The following CEP85L variants were observed in gnomAD, a reference collection of about 807,000 sequenced individuals.
CEP85L encodes the protein centrosomal protein of 85 kDa-like.
In CEP85L, 60 loss-of-function variants were observed where a neutral mutation model predicts 100.3. The observed-to-expected ratio is 0.60, with a 90% CI of 0.49 to 0.74. The LOEUF is 0.74. Ranked by LOEUF, CEP85L falls within the 30% of genes least tolerant of loss-of-function variation. The pLI, the probability that CEP85L is intolerant of heterozygous loss-of-function variation, is 0.00. For synonymous variants in CEP85L, 319 were observed against 322.7 expected (o/e 0.99, Z 0.12); for missense variants, 973 against 936.2 (o/e 1.04, Z -0.51).
upstream of CEP85L, among the ~76,000 whole-genome samples, chr6:118,652,181 G>C (rs1775609559): frequency 6.6e-6 from 1 of 152,142 alleles, no homozygotes; most frequent in Non-Finnish European, 1.5e-5. Flanking sequence ...ACCCGAGGGG[G>C]AGAGGGGCCG....
chr6:118,573,070 A>G (rs1213372419), intron 2 of CEP85L, among the ~76,000 whole-genome samples: 3 of 152,146 alleles, frequency 2.0e-5, no homozygotes, highest in Non-Finnish European at 4.4e-5. Context: ...CTCCAAAAAA[A>G]ATAATAATAA....
chr6:118,621,209 G>A (rs1309479046), intron 2 of CEP85L, among the ~76,000 whole-genome samples: 2 of 152,110 alleles, frequency 1.3e-5, no homozygotes, highest in Non-Finnish European at 2.9e-5. Context: ...CCAATCCTAC[G>A]AGTACAAAAA....
At position 118,587,228 on chromosome 6, in the gene CEP85L, G is replaced by C. The variant is rs183660942; in HGVS notation, c.233-20912C>G. ...CTTAAAGACTTATCAGGCATAAATG[G>C]GACATGGTATGGGAACACTTTCAAT... On this transcript the variant is annotated intron_variant, in intron 2 of 12. Coordinates refer to ENST00000368491, the MANE Select transcript of CEP85L (RefSeq NM_001042475.3). Among the ~76,000 whole-genome samples the C allele has an allele frequency of 2.3e-3, 354 of 152,228 alleles. 2 individuals carry two copies. The highest frequency in any genetic ancestry group is 3.7e-3 in the Non-Finnish European group (255 of 68,024).
At chr6:118,476,245 A>G (rs1170861766) in intron 10 of CEP85L, among the ~76,000 whole-genome samples, 1 of 151,446 alleles carries the variant, frequency 6.6e-6, no homozygotes. Context: ...AACAGTAAAG[A>G]CTGTTCTCTT....
intron 2 of CEP85L, among the ~76,000 whole-genome samples, chr6:118,623,478 C>A (rs780273219): frequency 3.3e-5 from 5 of 152,146 alleles, no homozygotes; most frequent in Non-Finnish European, 7.3e-5. Flanking sequence ...GCTTTTAAAG[C>A]TACAATAACT....
intron 3 of CEP85L, among the ~76,000 whole-genome samples, chr6:118,552,109 C>T (rs1411147179): frequency 2.6e-5 from 4 of 151,920 alleles, no homozygotes; most frequent in Non-Finnish European, 5.9e-5. Context: ...GAAAAAACAT[C>T]CTAGAGTATA....
rs1242187633 is a variant in CEP85L, at chr6:118,651,359, T to C, written c.-90A>G. On this transcript the variant is annotated 5_prime_UTR_variant, in exon 1 of 13. Coordinates refer to ENST00000368491, the MANE Select transcript of CEP85L (RefSeq NM_001042475.3). Reference sequence around the variant, plus strand: ...CGGCGGCGGAAACTTGCGCGGAGCGTGGGCCTCGGCGACACGGGCAGGAGG... The same window carrying C: ...CGGCGGCGGAAACTTGCGCGGAGCGCGGGCCTCGGCGACACGGGCAGGAGG... 34 of 1,377,290 alleles carry C rather than the reference T, an allele frequency of 2.5e-5. No homozygotes were observed. The highest frequency in any genetic ancestry group is 3.1e-5 in the Non-Finnish European group (33 of 1,066,624). 85.3% of individuals were successfully genotyped at this position (1,377,290 alleles called of 1,614,324 possible).
rs145696727 is a variant in CEP85L at position 118,565,670 on chromosome 6, G to T, written c.879C>A (p.Ser293=). The change falls in exon 3 of 13, where the codon TCC becomes TCA. Residue 293 remains serine (S), a synonymous_variant. Transcript: ENST00000368491. Reference sequence around the variant, plus strand: ...CTGTAAGCCACATCTGAGTCCTTACGGAAGGCTGAATGGGAACTCCACCTA... The same window carrying T: ...CTGTAAGCCACATCTGAGTCCTTACTGAAGGCTGAATGGGAACTCCACCTA... The part of the protein sequence containing the change: ...QAVGGVPIQP[S]VRTQMWLTEQ... 5.6e-6 allele frequency: 9 copies of T among 1,614,152 alleles called. No individual in the cohort carries two copies. Among genetic ancestry groups the T allele is most frequent in the Middle Eastern group, 1.6e-4 (1 of 6,062 alleles).
chr6:118,469,719 A>G (rs1772799682), intron 11 of CEP85L, among the ~76,000 whole-genome samples: 1 of 152,040 alleles, frequency 6.6e-6, no homozygotes, highest in South Asian at 2.1e-4. Context: ...CTCCCACCTC[A>G]GCCTCCTGAA....
chr6:118,564,152 A>G (rs1286949003), intron 3 of CEP85L, among the ~76,000 whole-genome samples: 2 of 152,250 alleles, frequency 1.3e-5, no homozygotes, highest in South Asian at 2.1e-4. Flanking sequence ...TTTGAGGCTA[A>G]GAAAAACACC....
chr6:118,669,213 A>G (rs1331649342), intron 1 of CEP85L, among the ~76,000 whole-genome samples: 2 of 152,220 alleles, frequency 1.3e-5, no homozygotes, highest in Admixed American at 6.5e-5. Context: ...CAGGGACTCC[A>G]GGAGGAACAG....
Position 118,462,008 on chromosome 6 carries a change from A to G in CEP85L, c.*3397T>C, listed in dbSNP as rs1772258463. On this transcript the variant is annotated 3_prime_UTR_variant, in exon 13 of 13. Transcript: ENST00000368491. ...TTAAAGAACATTTTCCCAATTAAGT[A>G]GCTCCTTTAAAAACATCCTCTAAGA... is the stretch of plus-strand genomic sequence containing the variant. The G allele has an allele frequency of 6.6e-6, 1 of 152,014 alleles. No homozygotes were observed. Among genetic ancestry groups the G allele is most frequent in the African/African-American group, 2.4e-5 (1 of 41,442 alleles). The allele number at this position is 152,014 out of a possible 1,614,324, so 9.4% of individuals were successfully genotyped here. A position where few individuals can be genotyped will look rare whatever the true frequency, so the allele number is the denominator to read the frequency against.
At chr6:118,572,586 CAAAT>C (rs1779968158) in intron 2 of CEP85L, among the ~76,000 whole-genome samples, 2 of 151,390 alleles carry the variant, frequency 1.3e-5, no homozygotes, top group African/African-American at 2.4e-5. Flanking sequence ...AATAAATAAA[CAAAT>C]AAATAAATAT....
chr6:118,569,599 C>A (rs1396034846), intron 2 of CEP85L, among the ~76,000 whole-genome samples: 2 of 151,768 alleles, frequency 1.3e-5, no homozygotes, highest in Non-Finnish European at 2.9e-5. Flanking sequence ...GTTACCTCCT[C>A]CATACAATGG....
chr6:118,592,016 A>C (rs1392934103), intron 2 of CEP85L, among the ~76,000 whole-genome samples: 2 of 152,234 alleles, frequency 1.3e-5, no homozygotes, highest in Non-Finnish European at 2.9e-5. Flanking sequence ...CAAGCAAAAA[A>C]GTTCTTTGTA....
At chr6:118,667,854 T>A (rs1776180351) in intron 1 of CEP85L, among the ~76,000 whole-genome samples, 1 of 152,210 alleles carries the variant, frequency 6.6e-6, no homozygotes, top group Non-Finnish European at 1.5e-5. Flanking sequence ...GTGAACTATG[T>A]CTTTGTAGTA....
intron 2 of CEP85L, among the ~76,000 whole-genome samples, chr6:118,582,657 C>G (rs746415600): frequency 2.6e-5 from 4 of 152,174 alleles, no homozygotes; most frequent in Non-Finnish European, 4.4e-5. Flanking sequence ...AGGGCCAAAC[C>G]TCTCGATTAC....
intron 2 of CEP85L, among the ~76,000 whole-genome samples, chr6:118,576,817 T>TA (rs1375127295): frequency 6.6e-6 from 1 of 152,114 alleles, no homozygotes; most frequent in East Asian, 1.9e-4. Flanking sequence ...ATTAAAGATC[T>TA]AAAGCAAACC....
intron 2 of CEP85L, among the ~76,000 whole-genome samples, chr6:118,612,882 C>T (rs555880256): frequency 6.6e-6 from 1 of 151,976 alleles, no homozygotes; most frequent in South Asian, 2.1e-4. Context: ...CAACAAACTG[C>T]TACCAAAACT....
Sources: allele counts gnomAD v4.1 joint callset (sites outside exome capture counted in the v4.1 genomes callset), GRCh38; gene constraint gnomAD v4.1.1; transcripts MANE v1.5; gene names NCBI Gene and HGNC (gene_info 2026-07-23, HGNC 2026-07-21).